Variants in PDE10A observed in about 807,000 individuals in gnomAD.
The protein encoded by PDE10A is phosphodiesterase 10A.
In PDE10A, 39 loss-of-function variants were observed where a neutral mutation model predicts 97.7. That is an observed-to-expected ratio of 0.40 (90% CI 0.31 to 0.52). PDE10A has a LOEUF of 0.52. PDE10A is among the 20% of genes least tolerant of loss of function. PDE10A has a pLI of 0.56. For missense variants in PDE10A, 731 were observed against 1,047.8 expected, an observed-to-expected ratio of 0.70 and a Z score of 4.17; for synonymous variants, 371 against 376.8, an observed-to-expected ratio of 0.98 and a Z score of 0.18.
chr6:165,354,630 C>G (rs969064360), intron 18 of PDE10A, among the ~76,000 whole-genome samples: 2 of 152,100 alleles, frequency 1.3e-5, no homozygotes, highest in Non-Finnish European at 2.9e-5. Flanking sequence ...ATGGGAGAAA[C>G]AACTGTAAAG....
intron 1 of PDE10A, among the ~76,000 whole-genome samples, chr6:165,716,257 C>T (rs1028093513): frequency 2.0e-5 from 3 of 152,224 alleles, no homozygotes; most frequent in Non-Finnish European, 2.9e-5. Flanking sequence ...TGCTGATGAA[C>T]GCACAGTATG....
chr6:165,490,987 T>C (rs535963552), intron 2 of PDE10A, among the ~76,000 whole-genome samples: 1 of 152,150 alleles, frequency 6.6e-6, no homozygotes, highest in East Asian at 1.9e-4. Flanking sequence ...ACAAACCAAG[T>C]ATCTGCTCTC....
At chr6:165,673,678 T>C (rs897565856) in intron 1 of PDE10A, among the ~76,000 whole-genome samples, 29 of 152,268 alleles carry the variant, frequency 1.9e-4, no homozygotes, top group Non-Finnish European at 7.3e-5. Context: ...ATTTTTATCA[T>C]GTGTATTCAG....
chr6:165,857,500 C>A (rs1022933937), intron 1 of PDE10A, among the ~76,000 whole-genome samples: 2 of 152,180 alleles, frequency 1.3e-5, no homozygotes, highest in African/African-American at 4.8e-5. Flanking sequence ...AACTGCAAAC[C>A]CTACACTAGT....
At chr6:165,833,830 A>G (rs2128471548) in intron 1 of PDE10A, among the ~76,000 whole-genome samples, 1 of 152,348 alleles carries the variant, frequency 6.6e-6, no homozygotes, top group African/African-American at 2.4e-5. Context: ...GCATGAGATG[A>G]AGGTGGTCCC....
At chr6:165,882,871 G>A (rs1025271142) in intron 1 of PDE10A, among the ~76,000 whole-genome samples, 7 of 151,840 alleles carry the variant, frequency 4.6e-5, no homozygotes, top group African/African-American at 1.7e-4. Flanking sequence ...GGTTTATCAC[G>A]TCCCTGTTCT....
chr6:165,389,142 G>A (rs1785501546), intron 16 of PDE10A, among the ~76,000 whole-genome samples: 1 of 152,276 alleles, frequency 6.6e-6, no homozygotes, highest in South Asian at 2.1e-4. Context: ...TCAGGACGGT[G>A]GCCAGTGGGG....
chr6:165,580,202 A>T (rs76433470), intron 1 of PDE10A, among the ~76,000 whole-genome samples: 2,129 of 152,324 alleles, frequency 0.014, 48 homozygotes, highest in African/African-American at 0.049. Context: ...TGTTTGAATA[A>T]ATGAACCCAA....
At chr6:165,943,223 GA>G (rs1405956272) in intron 1 of PDE10A, among the ~76,000 whole-genome samples, 2,706 of 63,702 alleles carry the variant, frequency 0.042, 48 homozygotes, top group Admixed American at 0.058. Context: ...AAGAAAGAAA[GA>G]AAGAAAGAAA....
At chr6:165,503,734 T>A (rs1420179724) in intron 2 of PDE10A, among the ~76,000 whole-genome samples, 1 of 152,158 alleles carries the variant, frequency 6.6e-6, no homozygotes, top group African/African-American at 2.4e-5. Context: ...TAGTTTGGCG[T>A]TTTCTGAAAT....
intron 1 of PDE10A, among the ~76,000 whole-genome samples, chr6:165,585,275 G>A (rs1785840591): frequency 1.3e-5 from 2 of 152,176 alleles, no homozygotes; most frequent in Non-Finnish European, 2.9e-5. Flanking sequence ...AGTTTAAGAA[G>A]AAGTATATGA....
At chr6:165,544,780 G>GACTTC (rs1484314398) in intron 1 of PDE10A, among the ~76,000 whole-genome samples, 9 of 151,796 alleles carry the variant, frequency 5.9e-5, no homozygotes, top group Non-Finnish European at 1.3e-4. Flanking sequence ...AAAGGAAAAT[G>GACTTC]ACTTCTTTCA....
chr6:165,639,711 C>T (rs1789037520), intron 1 of PDE10A, among the ~76,000 whole-genome samples: 3 of 145,650 alleles, frequency 2.1e-5, no homozygotes. Context: ...TGCACTCCAG[C>T]CTAGGCAACA....
chr6:165,564,718 T>C (rs1280625096), intron 1 of PDE10A, among the ~76,000 whole-genome samples: 1 of 152,232 alleles, frequency 6.6e-6, no homozygotes, highest in African/African-American at 2.4e-5. Flanking sequence ...GCTAAGTAAC[T>C]GACTTGGAGC....
intron 6 of PDE10A, among the ~76,000 whole-genome samples, chr6:165,434,971 A>C (rs1789891147): frequency 6.6e-6 from 1 of 152,208 alleles, no homozygotes; most frequent in Non-Finnish European, 1.5e-5. Context: ...TATTTAGTTT[A>C]CATTCATATG....
intron 1 of PDE10A, among the ~76,000 whole-genome samples, chr6:165,586,197 A>G (rs1785902388): frequency 6.6e-6 from 1 of 152,210 alleles, no homozygotes; most frequent in African/African-American, 2.4e-5. Flanking sequence ...AGTCTTCCAG[A>G]TGGCTGTCCT....
intron 1 of PDE10A, among the ~76,000 whole-genome samples, chr6:165,774,149 T>C (rs1205530264): frequency 6.6e-6 from 1 of 151,866 alleles, no homozygotes; most frequent in Non-Finnish European, 1.5e-5. Flanking sequence ...AAAAGTAAAA[T>C]AAAAAGTCAA....
chr6:165,432,542 T>C (rs1020261251), intron 7 of PDE10A, among the ~76,000 whole-genome samples: 3 of 152,208 alleles, frequency 2.0e-5, no homozygotes, highest in African/African-American at 7.2e-5. Flanking sequence ...ATTTTAATAT[T>C]TGCTTTTAGT....
intron 1 of PDE10A, among the ~76,000 whole-genome samples, chr6:165,606,153 G>GAAAAAAAAAAAA (rs71029555): frequency 8.8e-6 from 1 of 113,278 alleles, no homozygotes. Flanking sequence ...ACGAACAAGC[G>GAAAAAAAAAAAA]AAAAAAAAAA....
Sources: allele counts gnomAD v4.1 joint callset (sites outside exome capture counted in the v4.1 genomes callset), GRCh38; gene constraint gnomAD v4.1.1; transcripts MANE v1.5; gene names NCBI Gene and HGNC (gene_info 2026-07-23, HGNC 2026-07-21).